BBOX1: variants seen among roughly 807,000 people sequenced by gnomAD.
BBOX1 encodes the protein gamma-butyrobetaine hydroxylase 1.
BBOX1 carries 35 observed loss-of-function variants against 41.6 expected under a neutral mutation model. That is an observed-to-expected ratio of 0.84 (90% CI 0.64 to 1.11). BBOX1 has a LOEUF of 1.11. Among genes scored for constraint, BBOX1 ranks in the 50% most tolerant of loss-of-function variants. BBOX1 has a pLI of 0.00. For missense variants in BBOX1, 458 were observed against 460.6 expected (o/e 0.99, Z 0.05); for synonymous variants, 163 against 154.7 (o/e 1.05, Z -0.40).
intron 5 of BBOX1, among the ~76,000 whole-genome samples, chr11:27,099,678 G>A (rs947982542): frequency 6.6e-6 from 1 of 152,074 alleles, no homozygotes; most frequent in African/African-American, 2.4e-5. Flanking sequence ...GTCTAATCAT[G>A]GCTTCACCAT....
intron 5 of BBOX1, among the ~76,000 whole-genome samples, chr11:27,111,832 G>C (rs1028175789): frequency 6.6e-6 from 1 of 151,912 alleles, no homozygotes; most frequent in African/African-American, 2.4e-5. Flanking sequence ...GTGGATGAGG[G>C]GAAGTGGCTC....
At chr11:27,109,626 T>C (rs1204876960) in intron 5 of BBOX1, among the ~76,000 whole-genome samples, 1 of 152,078 alleles carries the variant, frequency 6.6e-6, no homozygotes, top group Middle Eastern at 3.2e-3. Flanking sequence ...TTAGAATAAA[T>C]GACTCAAATA....
At chr11:27,064,325 C>G (rs1383635531) in intron 4 of BBOX1, among the ~76,000 whole-genome samples, 2 of 151,736 alleles carry the variant, frequency 1.3e-5, no homozygotes, top group East Asian at 3.9e-4. Context: ...CATCATCTTC[C>G]GAAATGCATT....
At chr11:27,067,924 G>A (rs2133986083) in intron 4 of BBOX1, among the ~76,000 whole-genome samples, 1 of 152,098 alleles carries the variant, frequency 6.6e-6, no homozygotes, top group South Asian at 2.1e-4. Context: ...TTCTTTTTAT[G>A]GTTGAGTAGT....
chr11:27,076,404 T>C (rs543098810), intron 4 of BBOX1, among the ~76,000 whole-genome samples: 2 of 152,370 alleles, frequency 1.3e-5, no homozygotes, highest in African/African-American at 2.4e-5. Flanking sequence ...TTAGCCATGG[T>C]GCTGCAGGCA....
chr11:27,055,271 C>T, intron 2 of BBOX1, 122 bp from the exon 3 acceptor site: 1 of 621,598 alleles, frequency 1.6e-6, no homozygotes. Context: ...ATAAGTCAAA[C>T]CGCAGACTCT....
chr11:27,063,991 CA>C (rs1163046830), intron 4 of BBOX1, among the ~76,000 whole-genome samples: 1 of 152,128 alleles, frequency 6.6e-6, no homozygotes, highest in Non-Finnish European at 1.5e-5. Flanking sequence ...TGTCATAAAG[CA>C]AAAATCTTGT....
At chr11:27,111,299 A>G (rs1859055331) in intron 5 of BBOX1, among the ~76,000 whole-genome samples, 1 of 151,850 alleles carries the variant, frequency 6.6e-6, no homozygotes, top group Admixed American at 6.6e-5. Context: ...AACATTGGGT[A>G]CTCATGGACA....
intron 4 of BBOX1, among the ~76,000 whole-genome samples, chr11:27,092,583 A>T (rs1205058647): frequency 6.6e-6 from 1 of 151,950 alleles, no homozygotes; most frequent in Non-Finnish European, 1.5e-5. Flanking sequence ...TGGCGCTCCC[A>T]CTAAAAGGTC....
chr11:27,088,103 T>C (rs1564972858), intron 4 of BBOX1, among the ~76,000 whole-genome samples: 2 of 152,018 alleles, frequency 1.3e-5, no homozygotes. Context: ...GGTGCTATTT[T>C]ATAATGGAAA....
intron 5 of BBOX1, among the ~76,000 whole-genome samples, chr11:27,099,809 G>A (rs1394924099): frequency 2.0e-5 from 3 of 152,106 alleles, no homozygotes; most frequent in African/African-American, 7.2e-5. Context: ...TACCTGCTAT[G>A]TCCTTTGAGG....
intron 5 of BBOX1, among the ~76,000 whole-genome samples, chr11:27,094,694 G>A (rs901584646): frequency 2.6e-5 from 4 of 151,944 alleles, no homozygotes; most frequent in Admixed American, 2.6e-4. Context: ...GTAAGACTTG[G>A]TCTGTAGATA....
At chr11:27,045,265 T>G (rs1851457001) in intron 2 of BBOX1, among the ~76,000 whole-genome samples, 1 of 152,210 alleles carries the variant, frequency 6.6e-6, no homozygotes, top group African/African-American at 2.4e-5. Flanking sequence ...TTGTGATTTT[T>G]GCACATTGAT....
chr11:27,052,653 A>G (rs1856851604), intron 2 of BBOX1, among the ~76,000 whole-genome samples: 1 of 152,098 alleles, frequency 6.6e-6, no homozygotes. Context: ...ATGACCTTTC[A>G]CAAATCTTCT....
At chr11:27,077,933 G>A (rs1857691648) in intron 4 of BBOX1, among the ~76,000 whole-genome samples, 1 of 151,982 alleles carries the variant, frequency 6.6e-6, no homozygotes, top group South Asian at 2.1e-4. Context: ...CAATCCCCCT[G>A]AGGCTCACAA....
chr11:27,089,713 C>T (rs148174969), intron 4 of BBOX1, among the ~76,000 whole-genome samples: 1 of 152,084 alleles, frequency 6.6e-6, no homozygotes, highest in African/African-American at 2.4e-5. Context: ...TGATTTCTAA[C>T]AAGCTTAAAG....
chr11:27,106,743 G>C (rs1333995824), intron 5 of BBOX1, among the ~76,000 whole-genome samples: 1 of 88,950 alleles, frequency 1.1e-5, no homozygotes, highest in Non-Finnish European at 2.2e-5. Context: ...GGACCTAATA[G>C]ACATCTACAG....
intron 5 of BBOX1, among the ~76,000 whole-genome samples, chr11:27,113,895 A>G (rs568340415): frequency 6.6e-6 from 1 of 151,942 alleles, no homozygotes; most frequent in East Asian, 1.9e-4. Flanking sequence ...CATCGCACCA[A>G]TATTTCCAGC....
At chr11:27,047,437 G>A (rs1342557895) in intron 2 of BBOX1, 2 of 152,112 alleles carry the variant, frequency 1.3e-5, no homozygotes, top group Non-Finnish European at 2.9e-5. Flanking sequence ...TGTGACATGG[G>A]CACACCACCA....
Sources: gnomAD v4.1 joint callset for allele counts (sites outside exome capture counted in the v4.1 genomes callset) on GRCh38, gnomAD v4.1.1 for gene constraint, MANE v1.5 for transcripts, NCBI Gene and HGNC (gene_info 2026-07-23, HGNC 2026-07-21) for gene names.